Variants in MAEL observed in about 807,000 individuals in gnomAD.
MAEL encodes maelstrom spermatogenic transposon silencer, also known as protein maelstrom homolog.
MAEL carries 46 observed loss-of-function variants against 62.0 expected under a neutral mutation model. The observed-to-expected ratio is 0.74, with a 90% CI of 0.59 to 0.95. The LOEUF (loss-of-function observed/expected upper bound fraction) is 0.95. Ranked by LOEUF, MAEL falls within the 40% of genes least tolerant of loss-of-function variation. The probability of loss-of-function intolerance (pLI) is 0.00; values close to 1 mark genes in which losing one functional copy is unlikely to be tolerated. For synonymous variants in MAEL, 172 were observed against 175.5 expected, an observed-to-expected ratio of 0.98 and a Z score of 0.16; for missense variants, 497 against 526.8, an observed-to-expected ratio of 0.94 and a Z score of 0.55.
At chr1:167,019,529 C>A (rs1334454666) in intron 10 of MAEL, among the ~76,000 whole-genome samples, 2 of 152,212 alleles carry the variant, frequency 1.3e-5, no homozygotes, top group East Asian at 3.9e-4. Flanking sequence ...CAGGTATCTT[C>A]AGTTTCTTTG....
chr1:166,981,249 G>T (rs1663750864), intron 1 of MAEL, among the ~76,000 whole-genome samples: 2 of 152,216 alleles, frequency 1.3e-5, no homozygotes, highest in African/African-American at 4.8e-5. Context: ...TTTACATAGA[G>T]ATGATCAATG....
In MAEL at chr1:167,013,085, A is replaced by C. The variant is rs547466242; in HGVS notation, c.846-3137A>C. 2.0e-5 allele frequency among the ~76,000 whole-genome samples: 3 copies of C among 152,278 alleles called. No homozygotes were observed. The East Asian group carries it at 5.8e-4, about 29-fold the overall frequency. ...GGTGTATACTATTGGATAGATGAGG[A>C]GGAGAGGAGCAAGGTTACAGTGTTC... On this transcript the variant is annotated intron_variant, in intron 8 of 11. Transcript: ENST00000367872.
intron 1 of MAEL, among the ~76,000 whole-genome samples, chr1:166,978,588 T>G (rs1170563033): frequency 6.6e-6 from 1 of 152,180 alleles, no homozygotes; most frequent in Non-Finnish European, 1.5e-5. Context: ...CTAAGAATAA[T>G]GAGCTCAGAA....
chr1:166,991,353 G>C, intron 2 of MAEL, 25 bp from the exon 3 acceptor site: 1 of 1,464,654 alleles, frequency 6.8e-7, no homozygotes, highest in Non-Finnish European at 9.6e-7. Context: ...GAGTTTATGT[G>C]GCCAATCATT....
chr1:166,980,028 T>A (rs1663710974), intron 1 of MAEL, among the ~76,000 whole-genome samples: 1 of 152,208 alleles, frequency 6.6e-6, no homozygotes, highest in African/African-American at 2.4e-5. Context: ...TTTCTTTCTT[T>A]CTTTTAGAGA....
chr1:166,976,361 C>T (rs1360299310), intron 1 of MAEL, among the ~76,000 whole-genome samples: 2 of 152,122 alleles, frequency 1.3e-5, no homozygotes, highest in African/African-American at 4.8e-5. Context: ...ACTAAGGTTA[C>T]AAAGTGGAAT....
At chr1:166,982,402 G>T (rs1663783622) in intron 1 of MAEL, among the ~76,000 whole-genome samples, 1 of 152,168 alleles carries the variant, frequency 6.6e-6, no homozygotes, top group African/African-American at 2.4e-5. Context: ...CTATTTCATA[G>T]GGTTGTTGTG....
At chr1:166,989,615 G>A (rs1156312004) in intron 1 of MAEL, 122 bp from the exon 2 acceptor site, 1 of 1,472,558 alleles carries the variant, frequency 6.8e-7, no homozygotes, top group Admixed American at 2.1e-5. Flanking sequence ...GCCCCCGTTT[G>A]TGGCCCTGGG....
At chr1:166,999,197 C>G (rs1664556796) in intron 5 of MAEL, among the ~76,000 whole-genome samples, 1 of 152,178 alleles carries the variant, frequency 6.6e-6, no homozygotes, top group Non-Finnish European at 1.5e-5. Context: ...GTGAGGAATG[C>G]ATATCAAAAG....
At chr1:167,011,165 T>C (rs771050739) in intron 8 of MAEL, among the ~76,000 whole-genome samples, 22 of 152,218 alleles carry the variant, frequency 1.4e-4, no homozygotes, top group Admixed American at 5.2e-4. Context: ...AATCTTAGGC[T>C]CTCCATTTTC....
chr1:166,981,930 G>A (rs1663771009), intron 1 of MAEL, among the ~76,000 whole-genome samples: 1 of 152,180 alleles, frequency 6.6e-6, no homozygotes, highest in Admixed American at 6.5e-5. Context: ...AAGTTATTCT[G>A]GCCACAGGGT....
intron 1 of MAEL, among the ~76,000 whole-genome samples, chr1:166,981,196 A>G (rs1663749245): frequency 6.6e-6 from 1 of 152,158 alleles, no homozygotes; most frequent in Non-Finnish European, 1.5e-5. Context: ...CTCTCATAGA[A>G]GTGTTAATTC....
At chr1:166,981,056 A>G (rs1370840449) in intron 1 of MAEL, among the ~76,000 whole-genome samples, 1 of 152,214 alleles carries the variant, frequency 6.6e-6, no homozygotes, top group East Asian at 1.9e-4. Flanking sequence ...GAGAGCTAGA[A>G]TGAGAAGGCC....
At chr1:166,988,457 A>G (rs1664000823), upstream of MAEL, among the ~76,000 whole-genome samples, 1 of 152,110 alleles carries the variant, frequency 6.6e-6, no homozygotes, top group Admixed American at 6.5e-5. Flanking sequence ...TTTAAAACAT[A>G]TACATACCCC....
Position 166,992,685 on chromosome 1 carries a change from G to T in MAEL, c.326-1G>T. 6.4e-7 allele frequency: 1 copy of T among 1,563,486 alleles called. No homozygotes were observed. Among genetic ancestry groups the T allele is most frequent in the East Asian group, 2.3e-5 (1 of 43,152 alleles). On this transcript the variant is annotated splice_acceptor_variant, in intron 3 of 11. Coordinates refer to ENST00000367872, the MANE Select transcript of MAEL (RefSeq NM_032858.3). LOFTEE classifies it high-confidence loss of function. The stretch of plus-strand genomic sequence containing the variant: ...CATTTTATCTTACAATTTTTTTTTA[G>T]CTCTCCTTGGAGGCATTTTTTATTT...
At position 166,982,836 on chromosome 1, in the gene MAEL, C is replaced by T. The variant is rs72689319; in HGVS notation, c.-120-6565C>T. On this transcript the variant is annotated intron_variant, in intron 1 of 12. Transcript: ENST00000622874. The stretch of plus-strand genomic sequence containing the variant: ...TACTCCAGCCATGTGACTTACTTTG[C>T]TTTTCCTCAAACATACCTGATATGC... Among the ~76,000 whole-genome samples, 1,437 of 152,236 alleles carry T rather than the reference C, an allele frequency of 9.4e-3. 11 individuals are homozygous for T. The highest frequency in any genetic ancestry group is 0.014 in the Admixed American group (209 of 15,284).
intron 5 of MAEL, among the ~76,000 whole-genome samples, chr1:167,003,594 A>C (rs1370184888): frequency 1.4e-4 from 21 of 152,234 alleles, no homozygotes; most frequent in Admixed American, 1.4e-3. Flanking sequence ...GGAATTGGCA[A>C]ATGATCCAGA....
chr1:167,010,934 G>T (rs1326579657), intron 8 of MAEL, among the ~76,000 whole-genome samples: 2 of 152,050 alleles, frequency 1.3e-5, no homozygotes, highest in African/African-American at 4.8e-5. Flanking sequence ...ATGTTTTCAG[G>T]GTGGTGGGAG....
chr1:167,001,157 C>T (rs978930304), intron 5 of MAEL, among the ~76,000 whole-genome samples: 1 of 152,140 alleles, frequency 6.6e-6, no homozygotes, highest in Non-Finnish European at 1.5e-5. Context: ...TGAAGCAACT[C>T]AGGAATGGAA....
Sources: gnomAD v4.1 joint callset for allele counts (sites outside exome capture counted in the v4.1 genomes callset) on GRCh38, gnomAD v4.1.1 for gene constraint, MANE v1.5 for transcripts, NCBI Gene and HGNC (gene_info 2026-07-23, HGNC 2026-07-21) for gene names.